The following LMF1 variants were observed in gnomAD, a reference collection of about 807,000 sequenced individuals.
LMF1 encodes lipase maturation factor 1.
LMF1 carries 68 observed loss-of-function variants against 60.6 expected under a neutral mutation model. The observed-to-expected ratio is 1.12, with a 90% CI of 0.92 to 1.37. The LOEUF is 1.37. Among genes scored for constraint, LMF1 ranks in the 40% most tolerant of loss-of-function variants. The pLI is 0.00. For missense variants in LMF1, 948 were observed against 767.2 expected, an observed-to-expected ratio of 1.24 and a Z score of -2.78; for synonymous variants, 418 against 324.7, an observed-to-expected ratio of 1.29 and a Z score of -3.09.
At chr16:957,923 G>T (rs988934369) in intron 1 of LMF1, among the ~76,000 whole-genome samples, 1 of 152,076 alleles carries the variant, frequency 6.6e-6, no homozygotes, top group Non-Finnish European at 1.5e-5. Context: ...CAGGAGGATC[G>T]CTTGAGCCCA....
chr16:979,683 C>G (rs1567352172), intron 1 of LMF1: 1 of 454,142 alleles, frequency 2.2e-6, no homozygotes, highest in Middle Eastern at 6.9e-4. Flanking sequence ...CCTAATGCAA[C>G]TGCTTTTCTT....
At chr16:970,021 G>A (rs1462199213) in intron 1 of LMF1, among the ~76,000 whole-genome samples, 1 of 152,184 alleles carries the variant, frequency 6.6e-6, no homozygotes, top group Non-Finnish European at 1.5e-5. Context: ...ACAGCTGTGG[G>A]GTGAAGGGTC....
chr16:975,856 G>C (rs770231930), upstream of LMF1: 14 of 453,432 alleles, frequency 3.1e-5, no homozygotes, highest in South Asian at 2.2e-4. Context: ...TGGGCGGCCA[G>C]GGCCCATTTC....
chr16:918,664 G>A (rs571314864), intron 3 of LMF1, among the ~76,000 whole-genome samples: 1 of 152,208 alleles, frequency 6.6e-6, no homozygotes, highest in African/African-American at 2.4e-5. Flanking sequence ...TGGGTCACGG[G>A]GTGTGCCTCA....
intron 2 of LMF1, among the ~76,000 whole-genome samples, chr16:953,300 GCCTCCTACAC>G (rs1488252952): frequency 1.9e-5 from 1 of 53,134 alleles, no homozygotes; most frequent in African/African-American, 8.5e-5. Context: ...CCCCAAACCA[GCCTCCTACAC>G]GTCCACACAG....
At chr16:880,839 G>A (rs2070142861) in intron 5 of LMF1, among the ~76,000 whole-genome samples, 1 of 152,258 alleles carries the variant, frequency 6.6e-6, no homozygotes, top group Non-Finnish European at 1.5e-5. Flanking sequence ...GCCCAGGGTG[G>A]TGGTGGGAAG....
At chr16:915,458 G>A (rs1222588547) in intron 3 of LMF1, among the ~76,000 whole-genome samples, 2 of 152,238 alleles carry the variant, frequency 1.3e-5, no homozygotes, top group Non-Finnish European at 2.9e-5. Context: ...GGAATCAGAG[G>A]TTGAGGAGGG....
At chr16:940,461 C>A (rs774857374) in intron 2 of LMF1, among the ~76,000 whole-genome samples, 1 of 152,060 alleles carries the variant, frequency 6.6e-6, no homozygotes, top group East Asian at 1.9e-4. Flanking sequence ...CCGCAGGCAG[C>A]GTCCTGCCTG....
chr16:863,676 G>A (rs375703079), intron 10 of LMF1, among the ~76,000 whole-genome samples: 3 of 152,090 alleles, frequency 2.0e-5, no homozygotes, highest in Non-Finnish European at 2.9e-5. Flanking sequence ...TTTTTTAAGC[G>A]ATGGGGTCTT....
chr16:927,591 G>C (rs2071646340), intron 3 of LMF1, among the ~76,000 whole-genome samples: 1 of 152,226 alleles, frequency 6.6e-6, no homozygotes, highest in Non-Finnish European at 1.5e-5. Context: ...CTGGGAGCTG[G>C]GAAGGGGAGG....
At chr16:907,227 T>C (rs571548930) in intron 4 of LMF1, among the ~76,000 whole-genome samples, 131 of 152,030 alleles carry the variant, frequency 8.6e-4, no homozygotes, top group African/African-American at 3.0e-3. Context: ...CGGTGAAACC[T>C]AGTCTCTACT....
At chr16:915,551 T>C (rs1245184665) in intron 3 of LMF1, among the ~76,000 whole-genome samples, 1 of 150,388 alleles carries the variant, frequency 6.6e-6, no homozygotes, top group Non-Finnish European at 1.5e-5. Context: ...TGGGAACATG[T>C]GGAGGGGCAC....
chr16:952,946 C>T (rs1231861505), intron 2 of LMF1, among the ~76,000 whole-genome samples: 12 of 62,794 alleles, frequency 1.9e-4, no homozygotes, highest in African/African-American at 7.9e-4. Context: ...CCAAACCAGC[C>T]TCCTGCACGT....
At chr16:932,037 AC>A (rs1164012718) in intron 3 of LMF1, among the ~76,000 whole-genome samples, 1 of 151,990 alleles carries the variant, frequency 6.6e-6, no homozygotes, top group Non-Finnish European at 1.5e-5. Flanking sequence ...CTCACGTCCC[AC>A]CCCCCATGCA....
intron 5 of LMF1, 99 bp downstream of exon 5, chr16:892,908 G>A: frequency 9.9e-6 from 9 of 905,470 alleles, no homozygotes; most frequent in Admixed American, 2.7e-5. Context: ...CCTGTGATGC[G>A]ACAGCTCACC....
chr16:869,158 C>A, intron 9 of LMF1, 102 bp from the exon 10 acceptor site: 2 of 832,406 alleles, frequency 2.4e-6, no homozygotes, highest in Admixed American at 3.5e-5. Flanking sequence ...TGAGGCTTTC[C>A]TGGAGGTGGG....
intron 2 of LMF1, among the ~76,000 whole-genome samples, chr16:946,988 T>G (rs1380603200): frequency 6.6e-6 from 1 of 152,224 alleles, no homozygotes; most frequent in African/African-American, 2.4e-5. Flanking sequence ...AAGGTAACTC[T>G]GTTGTTTCAG....
chr16:964,449 C>G (rs2072883545), intron 1 of LMF1, among the ~76,000 whole-genome samples: 1 of 152,198 alleles, frequency 6.6e-6, no homozygotes, highest in African/African-American at 2.4e-5. Context: ...GGCCTCAGCA[C>G]AGTGACCTCA....
chr16:931,496 A>G (rs1407339304), intron 3 of LMF1: 1 of 480,340 alleles, frequency 2.1e-6, no homozygotes, highest in East Asian at 7.2e-5. Context: ...GGATGAGCTG[A>G]GGAACGCACG....
Sources: allele counts gnomAD v4.1 joint callset (sites outside exome capture counted in the v4.1 genomes callset), GRCh38; gene constraint gnomAD v4.1.1; transcripts MANE v1.5; gene names NCBI Gene and HGNC (gene_info 2026-07-23, HGNC 2026-07-21).